Variants in MAD1L1 observed in about 807,000 individuals in gnomAD.
MAD1L1 encodes mitotic spindle assembly checkpoint protein MAD1.
MAD1L1 carries 95 observed loss-of-function variants against 96.9 expected under a neutral mutation model. The ratio of observed to expected loss-of-function variants is 0.98; its 90% CI spans 0.83 to 1.16. The LOEUF is 1.16. MAD1L1 is among the 50% of genes most tolerant of loss of function. The probability of loss-of-function intolerance (pLI) is 0.00; values close to 1 mark genes in which losing one functional copy is unlikely to be tolerated. For synonymous variants in MAD1L1, 473 were observed against 396.6 expected (o/e 1.19, Z -2.29); for missense variants, 1,007 against 954.4 (o/e 1.06, Z -0.73).
rs2128478768 is a variant in MAD1L1 at position 1,968,912 on chromosome 7, G to A, written c.1506-11193C>T. Reference sequence around the variant, plus strand: ...GCTGCAACATGCAGGAAAGCCTGGTGGATCCAAACAAGGGCTGGAGACAGG... The same window carrying A: ...GCTGCAACATGCAGGAAAGCCTGGTAGATCCAAACAAGGGCTGGAGACAGG... On this transcript the variant is annotated intron_variant, in intron 15 of 18. Coordinates refer to ENST00000265854, the MANE Select transcript of MAD1L1 (RefSeq NM_001013836.2). The surrounding 1 kb of genome is among the most constrained non-coding windows in gnomAD (Gnocchi z 5.6). Among the ~76,000 whole-genome samples the A allele has an allele frequency of 6.6e-6, 1 of 152,374 alleles. No individual in the cohort carries two copies. Among genetic ancestry groups the A allele is most frequent in the Admixed American group, 6.5e-5 (1 of 15,310 alleles).
At chr7:1,840,806 G>A (rs1443067288) in intron 18 of MAD1L1, among the ~76,000 whole-genome samples, 1 of 152,210 alleles carries the variant, frequency 6.6e-6, no homozygotes, top group African/African-American at 2.4e-5. Context: ...CTGGGCATGC[G>A]GTTTCTCTGC....
Position 1,853,399 on chromosome 7 carries a change from C to T in MAD1L1, c.1999-37171G>A, listed in dbSNP as rs144815232. ...AGGTGGAGGGGCCTGGCAGGGAGGA[C>T]GCACACGGCAGCCCTGCCTTCATTC... On this transcript the variant is annotated intron_variant, in intron 18 of 18. Coordinates refer to ENST00000265854, the MANE Select transcript of MAD1L1 (RefSeq NM_001013836.2). Among the ~76,000 whole-genome samples the T allele has an allele frequency of 2.6e-3, 397 of 152,278 alleles. 1 individual carries two copies. The highest frequency in any genetic ancestry group is 8.3e-3 in the African/African-American group (344 of 41,544).
chr7:2,039,426 AGAAACCCTCGAGCTGGTTCCAGG>A (rs1783582430), intron 12 of MAD1L1, among the ~76,000 whole-genome samples: 1 of 152,234 alleles, frequency 6.6e-6, no homozygotes, highest in South Asian at 2.1e-4. Context: ...GCAGTTTTTA[AGAAACCCTCGAGCTGGTTCCAGG>A]GTGGCTGCAC....
At position 2,224,940 on chromosome 7, in the gene MAD1L1, G is replaced by A. The variant is rs1180396924; in HGVS notation, c.291+470C>T. ...ATCCACCCCATGACCTCCTAAGCCT[G>A]TCACTCCTACACCACTTGGCATTTC... On this transcript the variant is annotated intron_variant, in intron 4 of 18. Transcript: ENST00000265854. Among the ~76,000 whole-genome samples, 4 of 152,150 alleles carry A rather than the reference G, an allele frequency of 2.6e-5. 1 individual carries two copies. The highest frequency in any genetic ancestry group is 9.7e-5 in the African/African-American group (4 of 41,432).
intron 15 of MAD1L1, among the ~76,000 whole-genome samples, chr7:1,972,517 G>A (rs1254337193): frequency 2.6e-5 from 4 of 152,016 alleles, no homozygotes; most frequent in South Asian, 4.1e-4. Context: ...CTGTAGTGAT[G>A]GCCCCTATTT....
chr7:1,924,840 G>A (rs994322737), intron 17 of MAD1L1, among the ~76,000 whole-genome samples: 5 of 152,170 alleles, frequency 3.3e-5, no homozygotes, highest in African/African-American at 4.8e-5. Context: ...AGAAGCCTAC[G>A]TCGTGGTGAA....
At chr7:1,839,516 C>G (rs914364769) in intron 18 of MAD1L1, among the ~76,000 whole-genome samples, 2 of 152,204 alleles carry the variant, frequency 1.3e-5, no homozygotes, top group African/African-American at 4.8e-5. Context: ...AAACCCCCAG[C>G]CTCTTCACAA....
At chr7:2,091,750 T>G (rs1233025681) in intron 11 of MAD1L1, among the ~76,000 whole-genome samples, 2 of 147,862 alleles carry the variant, frequency 1.4e-5, no homozygotes, top group African/African-American at 5.0e-5. Context: ...CACTACAGCC[T>G]GGGCGACAGA....
chr7:1,990,474 G>A (rs1025265573), intron 14 of MAD1L1, among the ~76,000 whole-genome samples: 1 of 152,236 alleles, frequency 6.6e-6, no homozygotes, highest in Non-Finnish European at 1.5e-5. Context: ...CAGGCGCTGT[G>A]GGCCATGGAC....
In MAD1L1 at chr7:1,830,390, C is replaced by T. The variant is rs1414458712; in HGVS notation, c.1999-14162G>A. On this transcript the variant is annotated intron_variant, in intron 18 of 18. Coordinates refer to ENST00000265854, the MANE Select transcript of MAD1L1 (RefSeq NM_001013836.2). ...CCAGCCTGGGCGACAGAGTGAGACT[C>T]TGTCTCAAAAAAAATAAATAAAAAT... Among the ~76,000 whole-genome samples the T allele has an allele frequency of 2.6e-5, 4 of 152,152 alleles. No homozygotes were observed. The South Asian group carries it at 8.3e-4, about 32-fold the overall frequency.
chr7:1,978,221 T>A (rs147806539), intron 15 of MAD1L1, among the ~76,000 whole-genome samples: 73 of 152,342 alleles, frequency 4.8e-4, no homozygotes, highest in Middle Eastern at 3.4e-3. Flanking sequence ...GCTCCTGACC[T>A]GCCTGGGCTG....
chr7:1,892,913 A>G (rs555564591), intron 18 of MAD1L1, among the ~76,000 whole-genome samples: 1 of 152,114 alleles, frequency 6.6e-6, no homozygotes, highest in Admixed American at 6.5e-5. Flanking sequence ...TCTTCTTACC[A>G]CTGATTTTCT....
intron 17 of MAD1L1, among the ~76,000 whole-genome samples, chr7:1,917,490 T>C (rs552043767): frequency 1.2e-4 from 19 of 152,352 alleles, no homozygotes; most frequent in African/African-American, 3.8e-4. Flanking sequence ...CAGCACCGCC[T>C]GGCCGGGGCT....
chr7:2,008,986 C>T (rs1035870542), intron 13 of MAD1L1, among the ~76,000 whole-genome samples: 3 of 152,146 alleles, frequency 2.0e-5, no homozygotes, highest in Admixed American at 6.5e-5. Flanking sequence ...CATCACATGG[C>T]GGGAAAACCA....
In MAD1L1 at chr7:2,154,372, A is replaced by C. The variant is rs541551646; in HGVS notation, c.987-5134T>G. ...AACCACAGATGAAGAGAGTTGAGTT[A>C]ATGGGTACGAACATACAGTTAGATG... On this transcript the variant is annotated intron_variant, in intron 10 of 18. Transcript: ENST00000265854. Among the ~76,000 whole-genome samples, 3 of 152,342 alleles carry C rather than the reference A, an allele frequency of 2.0e-5. 1 individual carries two copies. Among genetic ancestry groups the C allele is most frequent in the African/African-American group, 7.2e-5 (3 of 41,570 alleles).
intron 9 of MAD1L1, among the ~76,000 whole-genome samples, chr7:2,215,421 A>C (rs1408597061): frequency 1.3e-5 from 2 of 150,788 alleles, no homozygotes; most frequent in Non-Finnish European, 2.9e-5. Flanking sequence ...ATTTTATAGT[A>C]CTTTAGATCG....
At chr7:2,123,680 C>A (rs909598386) in intron 11 of MAD1L1, among the ~76,000 whole-genome samples, 1 of 152,180 alleles carries the variant, frequency 6.6e-6, no homozygotes, top group Non-Finnish European at 1.5e-5. Flanking sequence ...GGAAGCGAGT[C>A]GGAGGCAATT....
At chr7:2,155,168 A>G (rs1486446207) in intron 10 of MAD1L1, among the ~76,000 whole-genome samples, 2 of 152,118 alleles carry the variant, frequency 1.3e-5, no homozygotes, top group African/African-American at 4.8e-5. Context: ...AGGCTAAGAG[A>G]GCGAGCAAAG....
chr7:1,906,755 T>TG (rs1473472086), intron 17 of MAD1L1, among the ~76,000 whole-genome samples: 1 of 152,214 alleles, frequency 6.6e-6, no homozygotes, highest in Non-Finnish European at 1.5e-5. Flanking sequence ...GGGTGCGTGT[T>TG]GAACACGCAG....
Sources: gnomAD v4.1 joint callset for allele counts (sites outside exome capture counted in the v4.1 genomes callset) on GRCh38, gnomAD v4.1.1 for gene constraint, Gnocchi (gnomAD v3.1) non-coding constraint, MANE v1.5 for transcripts, NCBI Gene and HGNC (gene_info 2026-07-23, HGNC 2026-07-21) for gene names.